Variants in KCNAB1 observed in about 807,000 individuals in gnomAD.
KCNAB1 encodes the protein potassium voltage-gated channel subfamily A regulatory beta subunit 1.
KCNAB1 carries 35 observed loss-of-function variants against 64.6 expected under a neutral mutation model. The ratio of observed to expected loss-of-function variants is 0.54; its 90% CI spans 0.41 to 0.72. KCNAB1 has a LOEUF of 0.72. Among genes scored for constraint, KCNAB1 ranks in the 30% least tolerant of loss-of-function variants. The pLI is 0.00. For missense variants in KCNAB1, 401 were observed against 512.9 expected, an observed-to-expected ratio of 0.78 and a Z score of 2.11; for synonymous variants, 177 against 183.8, an observed-to-expected ratio of 0.96 and a Z score of 0.30.
intron 1 of KCNAB1, among the ~76,000 whole-genome samples, chr3:156,362,507 A>C (rs1725678119): frequency 6.6e-6 from 1 of 152,188 alleles, no homozygotes; most frequent in African/African-American, 2.4e-5. Flanking sequence ...ACATGACCTT[A>C]CTTAGGCTAT....
At chr3:156,404,384 C>T (rs759005367) in intron 1 of KCNAB1, among the ~76,000 whole-genome samples, 17 of 152,044 alleles carry the variant, frequency 1.1e-4, no homozygotes, top group Non-Finnish European at 2.4e-4. Context: ...AAAGTCTGTC[C>T]ATCAGTCCGT....
intron 1 of KCNAB1, among the ~76,000 whole-genome samples, chr3:156,313,521 G>C (rs1722066434): frequency 6.6e-6 from 1 of 152,222 alleles, no homozygotes; most frequent in Non-Finnish European, 1.5e-5. Context: ...TGTGATGATG[G>C]AGCAGTGAGA....
At chr3:156,459,677 G>A (rs1408067569) in intron 4 of KCNAB1, 150 bp from the exon 5 acceptor site, 12 of 554,722 alleles carry the variant, frequency 2.2e-5, no homozygotes, top group Non-Finnish European at 3.5e-5. Flanking sequence ...AGCAGAAACA[G>A]CGGAAACTGT....
intron 1 of KCNAB1, among the ~76,000 whole-genome samples, chr3:156,258,836 G>A (rs1718258765): frequency 6.6e-6 from 1 of 152,080 alleles, no homozygotes; most frequent in Non-Finnish European, 1.5e-5. Context: ...CAACTATATT[G>A]CTATAAATAA....
At chr3:156,455,770 A>C (rs924055636) in intron 3 of KCNAB1, among the ~76,000 whole-genome samples, 1 of 152,064 alleles carries the variant, frequency 6.6e-6, no homozygotes, top group African/African-American at 2.4e-5. Flanking sequence ...TTGTGTATCG[A>C]CTGCTTAAGA....
At chr3:156,421,782 T>A (rs565048984) in intron 2 of KCNAB1, 123 bp downstream of exon 2, 1 of 746,586 alleles carries the variant, frequency 1.3e-6, no homozygotes, top group South Asian at 1.9e-5. Context: ...TCCTGGCCAG[T>A]ATTGCCCCAC....
chr3:156,465,741 G>C, intron 7 of KCNAB1, 55 bp downstream of exon 7: 1 of 1,416,496 alleles, frequency 7.1e-7, no homozygotes, highest in Admixed American at 1.7e-5. Flanking sequence ...ATTCAAGAAA[G>C]GTATCAACCA....
intron 1 of KCNAB1, among the ~76,000 whole-genome samples, chr3:156,218,801 A>AAAAAATAAT (rs371264941): frequency 1.8e-5 from 2 of 112,212 alleles, no homozygotes; most frequent in East Asian, 2.8e-4. Context: ...AAAAAAAAAA[A>AAAAAATAAT]AATAATAATA....
intron 1 of KCNAB1, among the ~76,000 whole-genome samples, chr3:156,135,208 G>T (rs1419850234): frequency 6.6e-6 from 1 of 151,980 alleles, no homozygotes; most frequent in Non-Finnish European, 1.5e-5. Flanking sequence ...TGTTGGCCAG[G>T]CTGATCTCAA....
chr3:156,248,682 C>T (rs1012513654), intron 1 of KCNAB1, among the ~76,000 whole-genome samples: 4 of 151,994 alleles, frequency 2.6e-5, no homozygotes, highest in Admixed American at 2.0e-4. Flanking sequence ...GTAACATATC[C>T]GAAGTCACAT....
chr3:156,515,287 A>T (rs2108393042), intron 10 of KCNAB1, 67 bp downstream of exon 10: 1 of 1,451,616 alleles, frequency 6.9e-7, no homozygotes, highest in Admixed American at 2.0e-5. Flanking sequence ...CGGGGAAAAA[A>T]TAAAAACAGT....
At chr3:156,334,621 C>T (rs1169613284) in intron 1 of KCNAB1, among the ~76,000 whole-genome samples, 3 of 152,214 alleles carry the variant, frequency 2.0e-5, no homozygotes. Context: ...TGGCACAGTG[C>T]CCAGCATCTA....
At chr3:156,265,749 C>G (rs1219446734) in intron 1 of KCNAB1, among the ~76,000 whole-genome samples, 1 of 152,188 alleles carries the variant, frequency 6.6e-6, no homozygotes, top group African/African-American at 2.4e-5. Flanking sequence ...AATCCCAGCA[C>G]TTTGGGAGTC....
chr3:156,265,124 T>C (rs1182012770), intron 1 of KCNAB1, among the ~76,000 whole-genome samples: 2 of 152,204 alleles, frequency 1.3e-5, no homozygotes, highest in African/African-American at 4.8e-5. Context: ...GACCACCTAA[T>C]ACTATGACTT....
intron 1 of KCNAB1, among the ~76,000 whole-genome samples, chr3:156,363,184 G>T (rs1250632196): frequency 1.3e-5 from 2 of 152,190 alleles, no homozygotes; most frequent in Non-Finnish European, 2.9e-5. Context: ...TGTGTATTAG[G>T]TAAATACATA....
chr3:156,186,594 T>G (rs879854409), intron 1 of KCNAB1, among the ~76,000 whole-genome samples: 1 of 152,170 alleles, frequency 6.6e-6, no homozygotes, highest in African/African-American at 2.4e-5. Context: ...CAGTAGCTGC[T>G]GCCTGTCTTT....
At chr3:156,519,371 C>T (rs1191897292) in intron 11 of KCNAB1, among the ~76,000 whole-genome samples, 1 of 152,134 alleles carries the variant, frequency 6.6e-6, no homozygotes, top group Non-Finnish European at 1.5e-5. Flanking sequence ...TATCATACTA[C>T]TTCATTTTCC....
chr3:156,184,864 C>T (rs538969982), intron 1 of KCNAB1, among the ~76,000 whole-genome samples: 114 of 152,300 alleles, frequency 7.5e-4, no homozygotes, highest in Non-Finnish European at 1.3e-3. Context: ...TCCCTCCCAT[C>T]CCTGGGCTCC....
intron 1 of KCNAB1, among the ~76,000 whole-genome samples, chr3:156,194,226 T>A (rs1344104738): frequency 6.6e-6 from 1 of 152,024 alleles, no homozygotes; most frequent in African/African-American, 2.4e-5. Context: ...TGTTGTTTTT[T>A]TTTTGTTACT....
Sources: allele counts gnomAD v4.1 joint callset (sites outside exome capture counted in the v4.1 genomes callset), GRCh38; gene constraint gnomAD v4.1.1; transcripts MANE v1.5; gene names NCBI Gene and HGNC (gene_info 2026-07-23, HGNC 2026-07-21).